PRKG2: variants seen among roughly 807,000 people sequenced by gnomAD.
PRKG2 encodes the protein protein kinase cGMP-dependent 2.
In PRKG2, 33 loss-of-function variants were observed where a neutral mutation model predicts 97.2. The observed-to-expected ratio is 0.34, with a 90% confidence interval of 0.26 to 0.45. The LOEUF is 0.45. PRKG2 is among the 20% of genes least tolerant of loss of function. The pLI is 1.00. For synonymous variants in PRKG2, 330 were observed against 321.8 expected (o/e 1.03, Z -0.27); for missense variants, 638 against 900.0 (o/e 0.71, Z 3.73).
At chr4:81,165,946 C>T (rs945096831) in intron 6 of PRKG2, among the ~76,000 whole-genome samples, 2 of 151,690 alleles carry the variant, frequency 1.3e-5, no homozygotes, top group African/African-American at 4.8e-5. Flanking sequence ...ACTAGGGCCT[C>T]TCCAGCTTTA....
At chr4:81,139,551 A>G (rs1747047653) in intron 12 of PRKG2, among the ~76,000 whole-genome samples, 1 of 151,676 alleles carries the variant, frequency 6.6e-6, no homozygotes, top group Non-Finnish European at 1.5e-5. Context: ...GCAGATCACG[A>G]GGTCAGGAGA....
intron 14 of PRKG2, among the ~76,000 whole-genome samples, chr4:81,122,969 C>G (rs1029005264): frequency 1.3e-5 from 2 of 152,178 alleles, no homozygotes; most frequent in African/African-American, 4.8e-5. Flanking sequence ...CAATCAGTTC[C>G]CATTTTTGCT....
At chr4:81,203,608 A>G (rs1753449901) in intron 2 of PRKG2, among the ~76,000 whole-genome samples, 1 of 152,162 alleles carries the variant, frequency 6.6e-6, no homozygotes, top group South Asian at 2.1e-4. Context: ...ATTAATAAAT[A>G]CTCAGTTAAA....
chr4:81,113,995 G>C (rs943365009), intron 14 of PRKG2, among the ~76,000 whole-genome samples: 1 of 152,054 alleles, frequency 6.6e-6, no homozygotes, highest in African/African-American at 2.4e-5. Context: ...CTTTATGTTT[G>C]GTGTACAGAT....
At position 81,110,819 on chromosome 4, in the gene PRKG2, C is replaced by G. The variant is rs1436196949; in HGVS notation, c.1777-208G>C. 2.7e-5 allele frequency among the ~76,000 whole-genome samples: 4 copies of G among 150,424 alleles called. No homozygotes were observed. The East Asian group carries it at 7.8e-4, about 29-fold the overall frequency. ...GACAGAGAGACCACCTCGTGTATTC[C>G]TTTGCAGGGTCAGGTGTGTATCTAG... On this transcript the variant is annotated intron_variant, in intron 14 of 18. Coordinates refer to ENST00000264399, the MANE Select transcript of PRKG2 (RefSeq NM_006259.3).
intron 2 of PRKG2, among the ~76,000 whole-genome samples, chr4:81,199,996 T>G (rs371779391): frequency 6.6e-6 from 1 of 152,232 alleles, no homozygotes; most frequent in East Asian, 1.9e-4. Context: ...TAAGCATCCC[T>G]AGCAAAATGC....
chr4:81,120,341 C>T (rs1468797930), intron 14 of PRKG2, among the ~76,000 whole-genome samples: 2 of 152,164 alleles, frequency 1.3e-5, no homozygotes, highest in Admixed American at 6.5e-5. Context: ...CTGGGGCTGC[C>T]CAATTCATGA....
chr4:81,161,702 T>C (rs1749603027), intron 6 of PRKG2, among the ~76,000 whole-genome samples: 2 of 152,146 alleles, frequency 1.3e-5, no homozygotes, highest in Admixed American at 6.5e-5. Context: ...AGTGATGGCA[T>C]GTTCATTTCT....
intron 14 of PRKG2, among the ~76,000 whole-genome samples, chr4:81,111,709 GA>G: frequency 6.6e-6 from 1 of 152,144 alleles, no homozygotes; most frequent in African/African-American, 2.4e-5. Flanking sequence ...AGAATAGACA[GA>G]AAAAAAGCTG....
rs531445501 is a variant in PRKG2, at chr4:81,193,725, A to G, written c.461+10862T>C. On this transcript the variant is annotated intron_variant, in intron 2 of 18. Transcript: ENST00000264399. ...TGTGGTGGTGGGCGCCCGTAATCCC[A>G]GTTACTCAGGAGGCAGAGGCAGGAG... Among the ~76,000 whole-genome samples the G allele has an allele frequency of 2.0e-5, 3 of 152,238 alleles. No individual in the cohort carries two copies. In the South Asian group the frequency reaches 6.2e-4, roughly 32 times the overall value.
rs1269356833 is a variant in PRKG2 at position 81,174,922 on chromosome 4, GA to G, written c.498del (p.Gln167SerfsTer3). 1 of 1,612,266 alleles carries G rather than the reference GA, an allele frequency of 6.2e-7. No homozygotes were observed. Among genetic ancestry groups the G allele is most frequent in the Non-Finnish European group, 8.5e-7 (1 of 1,178,880 alleles). On this transcript the variant is annotated frameshift_variant, in exon 3 of 19. Coordinates refer to ENST00000264399, the MANE Select transcript of PRKG2 (RefSeq NM_006259.3). LOFTEE classifies it high-confidence loss of function. ...KKLITDALNK[N>X]QFLKRLDPQQ... ...TGAGGATCCAGTCTTTTCAGAAACT[GA>G]TTTTTATTAAGGGCATCTGTAATGA... is the stretch of plus-strand genomic sequence containing the variant.
At position 81,208,684 on chromosome 4, in the gene PRKG2, T is replaced by A. The variant is rs78042818; in HGVS notation, c.-13-3624A>T. 1.5e-3 allele frequency among the ~76,000 whole-genome samples: 232 copies of A among 152,216 alleles called. 1 individual carries two copies. Among genetic ancestry groups the A allele is most frequent in the African/African-American group, 5.4e-3 (226 of 41,518 alleles). On this transcript the variant is annotated intron_variant, in intron 1 of 18. Coordinates refer to ENST00000264399, the MANE Select transcript of PRKG2 (RefSeq NM_006259.3). Reference sequence around the variant, plus strand: ...CAAACCACCCTTCTGCCTCAGCCTCTCAAATGACAAAACTCTTTAAAGATG... The same window carrying A: ...CAAACCACCCTTCTGCCTCAGCCTCACAAATGACAAAACTCTTTAAAGATG...
At chr4:81,162,442 C>T (rs748978699) in intron 6 of PRKG2, among the ~76,000 whole-genome samples, 1 of 152,062 alleles carries the variant, frequency 6.6e-6, no homozygotes, top group Non-Finnish European at 1.5e-5. Flanking sequence ...ATACTTTTTC[C>T]CCAATTATAA....
At chr4:81,089,899 A>G in intron 18 of PRKG2, 96 bp from the exon 19 acceptor site, 5 of 983,746 alleles carry the variant, frequency 5.1e-6, no homozygotes, top group Non-Finnish European at 7.7e-6. Context: ...CACTGATTTC[A>G]TACTGCAGCC....
intron 14 of PRKG2, among the ~76,000 whole-genome samples, chr4:81,115,018 C>A (rs1367906562): frequency 2.0e-5 from 3 of 152,106 alleles, no homozygotes; most frequent in African/African-American, 7.2e-5. Context: ...ATTAACATAG[C>A]ATGAATTTTT....
Position 81,194,403 on chromosome 4 carries a change from CAA to C in PRKG2, c.461+10182_461+10183del, listed in dbSNP as rs200600688. On this transcript the variant is annotated intron_variant, in intron 2 of 18. Transcript: ENST00000264399. ...AGATAATTGTTTTTGAGTGATGAAC[CAA>C]AAAAAAAAAAACCTAATAAATGCAC... is the stretch of plus-strand genomic sequence containing the variant. Among the ~76,000 whole-genome samples the C allele has an allele frequency of 3.9e-4, 50 of 127,288 alleles. 1 individual carries two copies. The South Asian group carries it at 0.01, about 27-fold the overall frequency. 83.5% of individuals were successfully genotyped at this position (127,288 alleles called of 152,430 possible).
intron 2 of PRKG2, among the ~76,000 whole-genome samples, chr4:81,188,991 T>G (rs1752168135): frequency 1.2e-5 from 1 of 86,500 alleles, no homozygotes; most frequent in Non-Finnish European, 1.8e-5. Context: ...ACCTGCACAA[T>G]GTGCACATGT....
chr4:81,168,834 C>T (rs774479809), intron 5 of PRKG2, among the ~76,000 whole-genome samples: 15 of 152,014 alleles, frequency 9.9e-5, no homozygotes, highest in Middle Eastern at 3.4e-3. Flanking sequence ...TTGAAGGATT[C>T]TCATGCTAGA....
chr4:81,106,428 A>G (rs1207507712), intron 15 of PRKG2, among the ~76,000 whole-genome samples: 1 of 152,114 alleles, frequency 6.6e-6, no homozygotes, highest in Non-Finnish European at 1.5e-5. Context: ...AGGAAGCAAG[A>G]GGGGAGTACA....
Sources: gnomAD v4.1 joint callset for allele counts (sites outside exome capture counted in the v4.1 genomes callset) on GRCh38, gnomAD v4.1.1 for gene constraint, MANE v1.5 for transcripts, NCBI Gene and HGNC (gene_info 2026-07-23, HGNC 2026-07-21) for gene names.